SERPINC1: variants seen among roughly 807,000 people sequenced by gnomAD.
SERPINC1 encodes serpin family C member 1, also known as antithrombin-III.
SERPINC1 carries 12 observed loss-of-function variants against 43.4 expected under a neutral mutation model. That is an observed-to-expected ratio of 0.28 (90% CI 0.18 to 0.45). The LOEUF (loss-of-function observed/expected upper bound fraction) is 0.45, where lower values mean the gene tolerates loss of function less well. Among genes scored for constraint, SERPINC1 ranks in the 20% least tolerant of loss-of-function variants. SERPINC1 has a pLI of 1.00. For synonymous variants in SERPINC1, 210 were observed against 218.9 expected (o/e 0.96, Z 0.36); for missense variants, 423 against 578.8 (o/e 0.73, Z 2.76).
intron 5 of SERPINC1, among the ~76,000 whole-genome samples, chr1:173,909,079 C>T (rs913155666): frequency 6.6e-6 from 1 of 152,138 alleles, no homozygotes; most frequent in African/African-American, 2.4e-5. Context: ...ATGAGAATCG[C>T]TTGAACCCGG....
intron 2 of SERPINC1, 109 bp from the exon 3 acceptor site, chr1:173,912,123 C>T (rs1657797159): frequency 7.8e-6 from 6 of 772,792 alleles, no homozygotes; most frequent in Admixed American, 1.9e-5. Flanking sequence ...CAGTTGTTAA[C>T]TCCTTCAAGC....
rs201551398 is a variant in SERPINC1, at chr1:173,914,549, G to C, written c.408+4C>G. 1.2e-6 allele frequency: 2 copies of C among 1,613,972 alleles called. No individual in the cohort carries two copies. Among genetic ancestry groups the C allele is most frequent in the East Asian group, 2.2e-5 (1 of 44,886 alleles). On this transcript the variant is annotated splice_donor_region_variant and intron_variant, in intron 2 of 6. Coordinates refer to ENST00000367698, the MANE Select transcript of SERPINC1 (RefSeq NM_000488.4). Reference sequence around the variant, plus strand: ...GTGGCTGGGCAGAAGACCTTTGGTCGTACCTCCATCAGTTGCTGGAGGGTG... The same window carrying C: ...GTGGCTGGGCAGAAGACCTTTGGTCCTACCTCCATCAGTTGCTGGAGGGTG...
At chr1:173,915,182 C>A in intron 1 of SERPINC1, 1 of 1,350,014 alleles carries the variant, frequency 7.4e-7, no homozygotes, top group Non-Finnish European at 9.5e-7. Context: ...GCTCAATTCC[C>A]CACGCTGGGA....
chr1:173,908,865 C>T (rs2102781372), intron 5 of SERPINC1, among the ~76,000 whole-genome samples: 1 of 152,216 alleles, frequency 6.6e-6, no homozygotes, highest in East Asian at 1.9e-4. Flanking sequence ...CAGCCAACTT[C>T]TTTAAAAGAT....
chr1:173,909,608 T>A lies in SERPINC1; in HGVS notation c.1097A>T (p.Gln366Leu), dbSNP rs1388596932. ...RIEDGFSLKE[Q>L]LQDMGLVDLF... ...ATCGACAAGGCCCATGTCTTGCAGC[T>A]GCTCCTTCAAACTGAAGCCGTCCTC... Residue 366 changes from glutamine (Q) to leucine (L), a missense_variant, in exon 5 of 7, where the codon CAG (glutamine) becomes CTG (leucine). Physicochemically the swap from Gln to Leu is moderately radical, Grantham distance 113. Coordinates refer to ENST00000367698, the MANE Select transcript of SERPINC1 (RefSeq NM_000488.4). 1 of 1,613,968 alleles carries A rather than the reference T, an allele frequency of 6.2e-7. No individual in the cohort carries two copies. The highest frequency in any genetic ancestry group is 1.3e-5 in the African/African-American group (1 of 74,940).
chr1:173,905,945 C>T (rs1657484998), intron 6 of SERPINC1, among the ~76,000 whole-genome samples: 2 of 152,174 alleles, frequency 1.3e-5, no homozygotes, highest in African/African-American at 4.8e-5. Flanking sequence ...TTTCCTCGCT[C>T]CCGTTAAAAT....
chr1:173,911,648 G>A, intron 3 of SERPINC1, 151 bp downstream of exon 3: 1 of 695,460 alleles, frequency 1.4e-6, no homozygotes, highest in South Asian at 1.6e-5. Flanking sequence ...TTTCAAGTAA[G>A]AATAACTATT....
intron 1 of SERPINC1, chr1:173,915,251 G>T: frequency 3.6e-6 from 4 of 1,123,248 alleles, no homozygotes; most frequent in Non-Finnish European, 4.5e-6. Context: ...TAAAAAATCG[G>T]CTTTAGTGCC....
At chr1:173,913,897 G>A (rs1432426069) in intron 2 of SERPINC1, among the ~76,000 whole-genome samples, 1 of 151,872 alleles carries the variant, frequency 6.6e-6, no homozygotes, top group Non-Finnish European at 1.5e-5. Flanking sequence ...TGGCCACGTG[G>A]TGAAACCCCA....
chr1:173,910,745 T>TA lies in SERPINC1; in HGVS notation c.762+8_762+9insT. The TA allele has an allele frequency of 6.2e-7, 1 of 1,613,900 alleles. No homozygotes were observed. The highest frequency in any genetic ancestry group is 8.5e-7 in the Non-Finnish European group (1 of 1,179,852). On this transcript the variant is annotated intron_variant, in intron 4 of 6. Coordinates refer to ENST00000367698, the MANE Select transcript of SERPINC1 (RefSeq NM_000488.4). ...GTCCCTGGGGTCTCTCCAGGGCCAT[T>TA]CTGAGTACCTTGAAGTAAATGGTGT...
chr1:173,905,083 C>T (rs1657437013), intron 6 of SERPINC1, among the ~76,000 whole-genome samples: 1 of 152,146 alleles, frequency 6.6e-6, no homozygotes, highest in Non-Finnish European at 1.5e-5. Flanking sequence ...ACTCAGACCC[C>T]TCAAGGAGGT....
rs1050200480 is a variant in SERPINC1, at chr1:173,914,752, T to C, written c.209A>G (p.Gln70Arg). 2 of 1,614,142 alleles carry C rather than the reference T, an allele frequency of 1.2e-6. No homozygotes were observed. The stretch of plus-strand genomic sequence containing the variant: ...CCGGTTGGTGGCCTCCGGGATCTTC[T>C]GTTCTGAGCCCTCATCCTCAGTTGC... ...KKATEDEGSE[Q>R]KIPEATNRRV... Residue 70 changes from glutamine (Q) to arginine (R), a missense_variant, in exon 2 of 7, where the codon CAG (glutamine) becomes CGG (arginine). Gln to Arg is a conservative substitution (Grantham distance 43). Coordinates refer to ENST00000367698, the MANE Select transcript of SERPINC1 (RefSeq NM_000488.4).
At chr1:173,916,385 G>A (rs1657990296) in intron 1 of SERPINC1, among the ~76,000 whole-genome samples, 1 of 152,206 alleles carries the variant, frequency 6.6e-6, no homozygotes, top group Non-Finnish European at 1.5e-5. Flanking sequence ...GCTGGAAGCT[G>A]GGGCAGCTGA....
chr1:173,914,438 TAATG>T (rs1657900662), intron 2 of SERPINC1, 111 bp downstream of exon 2: 2 of 1,171,152 alleles, frequency 1.7e-6, no homozygotes, highest in African/African-American at 3.0e-5. Context: ...TCGTAATGCA[TAATG>T]AGCGCCCCTA....
intron 4 of SERPINC1, among the ~76,000 whole-genome samples, chr1:173,910,550 C>T (rs1027513143): frequency 6.6e-6 from 1 of 152,144 alleles, no homozygotes; most frequent in African/African-American, 2.4e-5. Context: ...CACTGCACTC[C>T]AGCCTGGGCG....
At chr1:173,915,246 A>T in intron 1 of SERPINC1, 1 of 1,185,530 alleles carries the variant, frequency 8.4e-7, no homozygotes, top group Non-Finnish European at 1.1e-6. Context: ...ATGCCTAAAA[A>T]ATCGGCTTTA....
chr1:173,909,770 G>A lies in SERPINC1; in HGVS notation c.935C>T (p.Thr312Ile), dbSNP rs764455436. 2 of 1,614,258 alleles carry A rather than the reference G, an allele frequency of 1.2e-6. No homozygotes were observed. The highest frequency in any genetic ancestry group is 1.7e-5 in the Admixed American group (1 of 60,032). Reference sequence around the variant, plus strand: ...AGGCTTGGGCAAGATGAGGACCATGGTGATGTCATCACCTTTGAAGGGCAA... The same window carrying A: ...AGGCTTGGGCAAGATGAGGACCATGATGATGTCATCACCTTTGAAGGGCAA... The part of the protein sequence containing the change: ...LELPFKGDDI[T>I]MVLILPKPEK... The change falls in exon 5 of 7, where the codon ACC (threonine) becomes ATC (isoleucine). Residue 312 changes from threonine to isoleucine, a missense_variant. Thr to Ile is a moderately conservative substitution (Grantham distance 89). Coordinates refer to ENST00000367698, the MANE Select transcript of SERPINC1 (RefSeq NM_000488.4).
At chr1:173,917,137 G>A in intron 1 of SERPINC1, 82 bp downstream of exon 1, 3 of 1,176,130 alleles carry the variant, frequency 2.6e-6, no homozygotes, top group Non-Finnish European at 3.8e-6. Context: ...CTTCTCAAAG[G>A]TGTTGGAGGT....
At chr1:173,913,469 C>T (rs1344563672) in intron 2 of SERPINC1, among the ~76,000 whole-genome samples, 1 of 152,180 alleles carries the variant, frequency 6.6e-6, no homozygotes. Flanking sequence ...TTTCCTGGGC[C>T]CCTGGTCTCA....
Sources: gnomAD v4.1 joint callset for allele counts (sites outside exome capture counted in the v4.1 genomes callset) on GRCh38, gnomAD v4.1.1 for gene constraint, MANE v1.5 for transcripts, NCBI Gene and HGNC (gene_info 2026-07-23, HGNC 2026-07-21) for gene names.